IL13RA1: variants seen among roughly 807,000 people sequenced by gnomAD.
IL13RA1 encodes interleukin 13 receptor subunit alpha 1, also known as interleukin-13 receptor subunit alpha-1.
A neutral mutation model predicts 33.8 loss-of-function variants in IL13RA1; 14 were observed. The ratio of observed to expected loss-of-function variants is 0.41; its 90% CI spans 0.27 to 0.65. The LOEUF is 0.65. IL13RA1 is among the 30% of genes least tolerant of loss of function. The pLI is 0.28. For synonymous variants in IL13RA1, 116 were observed against 115.7 expected, an observed-to-expected ratio of 1.00 and a Z score of -0.02; for missense variants, 313 against 327.0, an observed-to-expected ratio of 0.96 and a Z score of 0.33.
At chrX:118,741,839 G>A (rs2017348096) in intron 2 of IL13RA1, among the ~76,000 whole-genome samples, 1 of 110,585 alleles carries the variant, frequency 9.0e-6, no homozygotes, top group South Asian at 3.9e-4. Context: ...GGGTGTTTGG[G>A]GTTGAATTTG....
chrX:118,788,025 T>C (rs1421584797), intron 10 of IL13RA1, among the ~76,000 whole-genome samples: 1 of 111,896 alleles, frequency 8.9e-6, no homozygotes, highest in Non-Finnish European at 1.9e-5. Context: ...ATAAGAGTAT[T>C]GATTGGGGAA....
At chrX:118,735,160 T>G (rs1159614932) in intron 1 of IL13RA1, among the ~76,000 whole-genome samples, 1 of 110,617 alleles carries the variant, frequency 9.0e-6, no homozygotes, top group Non-Finnish European at 1.9e-5. Flanking sequence ...TTTTTGAAAA[T>G]GAGTAAAGTT....
chrX:118,798,092 T>C (rs1875631007), downstream of IL13RA1, among the ~76,000 whole-genome samples: 4 of 111,698 alleles, frequency 3.6e-5, no homozygotes, highest in South Asian at 1.5e-3. Context: ...TGCAATTTCT[T>C]TAGATTTAGA....
chrX:118,758,778 C>T (rs1024775826), intron 5 of IL13RA1: 1 of 111,119 alleles, frequency 9.0e-6, no homozygotes, highest in Admixed American at 9.6e-5. Flanking sequence ...ATCCACGAGT[C>T]CCACTCCCAT....
At chrX:118,784,156 C>CACACATATATAT (rs1569459463) in intron 10 of IL13RA1, among the ~76,000 whole-genome samples, 6 of 65,228 alleles carry the variant, frequency 9.2e-5, no homozygotes, top group African/African-American at 5.0e-4. Flanking sequence ...TACGTATATA[C>CACACATATATAT]ACATATATAC....
At chrX:118,785,020 CT>C (rs113880657) in intron 10 of IL13RA1, among the ~76,000 whole-genome samples, 157 of 104,360 alleles carry the variant, frequency 1.5e-3, no homozygotes, top group South Asian at 5.3e-3. Flanking sequence ...AATTTTAGAT[CT>C]TTTTTTTTTT....
chrX:118,769,655 A>C (rs890877901), intron 8 of IL13RA1: 5 of 112,913 alleles, frequency 4.4e-5, no homozygotes, highest in Non-Finnish European at 9.4e-5. Context: ...CTTTGTTAAT[A>C]GTATTTAAAA....
At position 118,791,665 on chromosome X, in the gene IL13RA1, C is replaced by T. The variant is rs748701057; in HGVS notation, c.1192-97C>T. On this transcript the variant is annotated intron_variant, in intron 10 of 10. Transcript: ENST00000371666. ...GGAAATCATACCCCTACGGTTCCAT[C>T]CACACAAACCTAAAAATAAGCATTG... 211 of 397,427 alleles carry T rather than the reference C, an allele frequency of 5.3e-4. 1 individual carries two copies. The highest frequency in any genetic ancestry group is 7.9e-4 in the Non-Finnish European group (182 of 229,420). 32.8% of individuals were successfully genotyped at this position (397,427 alleles called of 1,213,427 possible).
chrX:118,746,477 T>G (rs1240913494), intron 2 of IL13RA1, among the ~76,000 whole-genome samples: 3 of 112,194 alleles, frequency 2.7e-5, no homozygotes, highest in African/African-American at 9.7e-5. Context: ...GTGCATCTAC[T>G]TCTAAGTGAA....
Position 118,780,648 on chromosome X carries a change from G to A in IL13RA1, c.1191+4137G>A, listed in dbSNP as rs1298988233. ...GTGGGAACAAGAGGGGGTAGGAGGT[G>A]CCATACACTTTTAAACAGCTCTTAT... On this transcript the variant is annotated intron_variant, in intron 10 of 10. Coordinates refer to ENST00000371666, the MANE Select transcript of IL13RA1 (RefSeq NM_001560.3). Among the ~76,000 whole-genome samples, 4 of 111,870 alleles carry A rather than the reference G, an allele frequency of 3.6e-5. No individual in the cohort carries two copies. The Admixed American group carries it at 3.8e-4, about 11-fold the overall frequency.
At chrX:118,756,340 A>G (rs1410282017) in intron 4 of IL13RA1, among the ~76,000 whole-genome samples, 1 of 112,005 alleles carries the variant, frequency 8.9e-6, no homozygotes, top group Admixed American at 9.5e-5. Flanking sequence ...AAAAAAGTGT[A>G]ATAAACACAT....
intron 1 of IL13RA1, among the ~76,000 whole-genome samples, chrX:118,739,443 T>C (rs888612327): frequency 8.9e-6 from 1 of 112,073 alleles, no homozygotes; most frequent in Non-Finnish European, 1.9e-5. Flanking sequence ...TCCAAAGTAT[T>C]AGCATAGAGT....
Position 118,766,850 on chromosome X carries a change from T to C in IL13RA1, c.883T>C (p.Ser295Pro), listed in dbSNP as rs1340985667. 9.6e-6 allele frequency: 10 copies of C among 1,044,676 alleles called. No homozygotes were observed. In the Admixed American group the frequency reaches 2.5e-4, roughly 26 times the overall value. The allele number at this position is 1,044,676 out of a possible 1,213,427, so 86.1% of individuals were successfully genotyped here. A position where few individuals can be genotyped will look rare whatever the true frequency, so the allele number is the denominator to read the frequency against. The change falls in exon 8 of 11, where the codon TCT (serine) becomes CCT (proline). Residue 295 changes from serine (S) to proline (P), a missense_variant. Ser to Pro is a moderately conservative substitution (Grantham distance 74). Transcript: ENST00000371666. Reference protein sequence around the residue: ...PEFERNVENTSCFMVPGVLPD... With the variant: ...PEFERNVENTPCFMVPGVLPD... ...TTTTTATTTTATGCCTAAGAATACA[T>C]CTTGTTTCATGGTCCCTGGTGTTCT...
intron 10 of IL13RA1, among the ~76,000 whole-genome samples, chrX:118,787,954 A>G (rs1187745213): frequency 1.8e-5 from 2 of 111,715 alleles, no homozygotes; most frequent in Admixed American, 1.9e-4. Flanking sequence ...GGCGACATAC[A>G]TCCTCAGTTT....
At position 118,727,692 on chromosome X, in the gene IL13RA1, CGGCGGGGGCGGG is replaced by C. The variant is rs998781287; in HGVS notation, c.65_76del (p.Gly22_Gly25del). 5 of 517,712 alleles carry C rather than the reference CGGCGGGGGCGGG, an allele frequency of 9.7e-6. No individual in the cohort carries two copies. Among genetic ancestry groups the C allele is most frequent in the African/African-American group, 2.6e-5 (1 of 39,170 alleles). 42.7% of individuals were successfully genotyped at this position (517,712 alleles called of 1,213,427 possible). On this transcript the variant is annotated inframe_deletion, in exon 1 of 11. Transcript: ENST00000371666. The stretch of plus-strand genomic sequence containing the variant: ...TGTGGGCGCTGCTGCTCTGCGCCGG[CGGCGGGGGCGGG>C]GGCGGGGGCGCCGCGCCTACGGGTG...
intron 8 of IL13RA1, among the ~76,000 whole-genome samples, chrX:118,768,689 C>G (rs1004348342): frequency 1.9e-5 from 2 of 102,837 alleles, no homozygotes; most frequent in African/African-American, 8.9e-5. Context: ...CACACAGAGA[C>G]ACACAGACAC....
At chrX:118,783,755 T>TACACACACACACACACACAC (rs142945515) in intron 10 of IL13RA1, among the ~76,000 whole-genome samples, 9 of 100,923 alleles carry the variant, frequency 8.9e-5, no homozygotes, top group African/African-American at 3.3e-4. Context: ...AAATCCATAT[T>TACACACACACACACACACAC]ACACACACAC....
intron 4 of IL13RA1, among the ~76,000 whole-genome samples, chrX:118,753,045 G>A (rs73228290): frequency 0.012 from 1,388 of 111,531 alleles, 9 homozygotes; most frequent in Non-Finnish European, 0.019. Flanking sequence ...TGGTAAAACC[G>A]CAGGGAAAAC....
downstream of IL13RA1, among the ~76,000 whole-genome samples, chrX:118,797,741 G>A (rs2018039392): frequency 1.8e-5 from 2 of 112,313 alleles, no homozygotes; most frequent in African/African-American, 6.5e-5. Flanking sequence ...AGCAGAAGAG[G>A]GAGAAAGAGC....
Sources: allele counts gnomAD v4.1 joint callset (sites outside exome capture counted in the v4.1 genomes callset), GRCh38; gene constraint gnomAD v4.1.1; transcripts MANE v1.5; gene names NCBI Gene and HGNC (gene_info 2026-07-23, HGNC 2026-07-21).